Variants in DCLK3 observed in about 807,000 individuals in gnomAD.
DCLK3 encodes the protein doublecortin like kinase 3, also known as serine/threonine-protein kinase DCLK3.
In DCLK3, 30 loss-of-function variants were observed where a neutral mutation model predicts 46.4. The observed-to-expected ratio is 0.65, with a 90% CI of 0.48 to 0.88. DCLK3 has a LOEUF of 0.88. Ranked by LOEUF, DCLK3 falls within the 40% of genes least tolerant of loss-of-function variation. DCLK3 has a pLI of 0.00. For missense variants in DCLK3, 846 were observed against 907.1 expected, an observed-to-expected ratio of 0.93 and a Z score of 0.87; for synonymous variants, 401 against 339.2, an observed-to-expected ratio of 1.18 and a Z score of -2.00.
intron 2 of DCLK3, among the ~76,000 whole-genome samples, chr3:36,734,690 G>C (rs1701238717): frequency 6.6e-6 from 1 of 151,938 alleles, no homozygotes; most frequent in Admixed American, 6.6e-5. Flanking sequence ...CCACTCTGTA[G>C]TTTGCCTTCT....
Position 36,737,389 on chromosome 3 carries a change from T to C in DCLK3, c.1778A>G (p.Asp593Gly). 1 of 1,614,210 alleles carries C rather than the reference T, an allele frequency of 6.2e-7. No homozygotes were observed. The change falls in exon 2 of 5, where the codon GAC becomes GGC. Residue 593 changes from aspartate to glycine, a missense_variant. By Grantham distance (94) the Asp-to-Gly change is moderately conservative (BLOSUM62 -1). Coordinates refer to ENST00000636136, the MANE Select transcript of DCLK3 (RefSeq NM_001394672.2). This position sits in a 1 kb window ranked among gnomAD's most constrained non-coding sequence, Gnocchi z 4.4. ...CTCCAGGATCAGGTAGATTTCCATG[T>C]CTGTTTCGTAGACTTCATGCAATTT... Reference protein sequence around the residue: ...IVKLHEVYETDMEIYLILEYV... With the variant: ...IVKLHEVYETGMEIYLILEYV...
At chr3:36,757,696 G>T (rs1701498258) in intron 1 of DCLK3, among the ~76,000 whole-genome samples, 2 of 152,102 alleles carry the variant, frequency 1.3e-5, no homozygotes, top group South Asian at 4.1e-4. Flanking sequence ...AGAAAAGATG[G>T]GATGGTGAAT....
chr3:36,751,830 G>A (rs1701444341), intron 1 of DCLK3, among the ~76,000 whole-genome samples: 1 of 152,226 alleles, frequency 6.6e-6, no homozygotes, highest in Non-Finnish European at 1.5e-5. Context: ...AACAGGTGTT[G>A]CACGGAAGAA....
In DCLK3 at chr3:36,764,126, C is replaced by A. The variant is rs967027519; in HGVS notation, c.82+56G>T. The A allele has an allele frequency of 3.4e-5, 11 of 328,226 alleles. No homozygotes were observed. The Admixed American group carries it at 4.0e-4, about 12-fold the overall frequency. 20.3% of individuals were successfully genotyped at this position (328,226 alleles called of 1,614,324 possible). A position where few individuals can be genotyped will look rare whatever the true frequency, so the allele number is the denominator to read the frequency against. ...CAGAGTTAGGGCGAATGAGTCCTCC[C>A]GCCCCCGCCAAGGTGGCGCCCAGAA... On this transcript the variant is annotated intron_variant, in intron 1 of 4. Coordinates refer to ENST00000636136, the MANE Select transcript of DCLK3 (RefSeq NM_001394672.2). This position sits in a 1 kb window ranked among gnomAD's most constrained non-coding sequence, Gnocchi z 4.9.
At chr3:36,762,444 C>T (rs1476752985) in intron 1 of DCLK3, among the ~76,000 whole-genome samples, 1 of 152,018 alleles carries the variant, frequency 6.6e-6, no homozygotes, top group Non-Finnish European at 1.5e-5. Context: ...AGTAGCAAGC[C>T]AAGCGAGGGA....
At chr3:36,760,946 C>T (rs1272291085) in intron 1 of DCLK3, among the ~76,000 whole-genome samples, 2 of 152,228 alleles carry the variant, frequency 1.3e-5, no homozygotes, top group African/African-American at 2.4e-5. Flanking sequence ...TTGGGTATCT[C>T]GCTCAGGATC....
chr3:36,715,386 G>A lies in DCLK3; in HGVS notation c.2396C>T (p.Pro799Leu), dbSNP rs138931496. 6 of 1,614,140 alleles carry A rather than the reference G, an allele frequency of 3.7e-6. No individual in the cohort carries two copies. The African/African-American group carries it at 8.0e-5, about 22-fold the overall frequency. Residue 799 changes from proline to leucine, a missense_variant, in exon 5 of 5, where the codon CCC becomes CTC. Pro to Leu is a moderately conservative substitution (Grantham distance 98, BLOSUM62 -3). Around this residue, in one of 3 missense-constraint regions of DCLK3, gnomAD observed 46 missense variants for 41.3 expected, o/e 1.11. Coordinates refer to ENST00000636136, the MANE Select transcript of DCLK3 (RefSeq NM_001394672.2). ...GCTCCGGAAGTGACCCTCGCTGCTG[G>A]GGGACACCTGCTTCTGTCGTTTCAC... ...NTVKRQKQVSPSSEGHFRSQH... is the reference protein window; with the variant it reads ...NTVKRQKQVSLSSEGHFRSQH...
At chr3:36,752,281 C>G (rs569433211) in intron 1 of DCLK3, among the ~76,000 whole-genome samples, 2 of 152,190 alleles carry the variant, frequency 1.3e-5, no homozygotes, top group Admixed American at 6.5e-5. Flanking sequence ...TGTTCCAGAG[C>G]TTCTCATGGC....
chr3:36,754,858 T>C (rs1701472567), intron 1 of DCLK3, among the ~76,000 whole-genome samples: 2 of 152,204 alleles, frequency 1.3e-5, no homozygotes, highest in African/African-American at 2.4e-5. Context: ...TTAGAGTACA[T>C]GGACTCTCAT....
chr3:36,744,156 T>C (rs550500401), intron 1 of DCLK3, among the ~76,000 whole-genome samples: 1 of 152,244 alleles, frequency 6.6e-6, no homozygotes, highest in South Asian at 2.1e-4. Context: ...ACCCCCCAAC[T>C]CTGCCCCAGT....
intron 1 of DCLK3, among the ~76,000 whole-genome samples, chr3:36,749,029 C>T (rs1701417008): frequency 6.6e-6 from 1 of 152,164 alleles, no homozygotes; most frequent in Non-Finnish European, 1.5e-5. Context: ...TTCATGTTTC[C>T]TCCCAACTCT....
chr3:36,741,648 T>C (rs1322837154), intron 1 of DCLK3, among the ~76,000 whole-genome samples: 1 of 152,118 alleles, frequency 6.6e-6, no homozygotes, highest in Admixed American at 6.5e-5. Context: ...AAAGGAACCA[T>C]GACATAGGGC....
chr3:36,749,004 A>T lies in DCLK3; in HGVS notation c.83-9920T>A, dbSNP rs116329477. Among the ~76,000 whole-genome samples, 381 of 152,196 alleles carry T rather than the reference A, an allele frequency of 2.5e-3. 5 individuals are homozygous for T. Among genetic ancestry groups the T allele is most frequent in the East Asian group, 0.016 (80 of 5,154 alleles). On this transcript the variant is annotated intron_variant, in intron 1 of 4. Coordinates refer to ENST00000636136, the MANE Select transcript of DCLK3 (RefSeq NM_001394672.2). ...TCCCCCTGGGGACAGCTTCTCTTTCAGTCTCACCCTAGGTTTCATGTTTCC... is the reference window on the plus strand; with the variant it reads ...TCCCCCTGGGGACAGCTTCTCTTTCTGTCTCACCCTAGGTTTCATGTTTCC...
chr3:36,731,646 T>C (rs753289860), intron 2 of DCLK3, among the ~76,000 whole-genome samples: 13 of 152,192 alleles, frequency 8.5e-5, no homozygotes, highest in Non-Finnish European at 1.5e-4. Context: ...TCTGTTACCC[T>C]TGAGTCTTCT....
rs373269265 is a variant in DCLK3, at chr3:36,747,548, A to G, written c.83-8464T>C. Among the ~76,000 whole-genome samples, 20 of 152,286 alleles carry G rather than the reference A, an allele frequency of 1.3e-4. No individual in the cohort carries two copies. In the East Asian group the frequency reaches 2.5e-3, roughly 19 times the overall value. On this transcript the variant is annotated intron_variant, in intron 1 of 4. Coordinates refer to ENST00000636136, the MANE Select transcript of DCLK3 (RefSeq NM_001394672.2). Reference sequence around the variant, plus strand: ...AAGGTTTGTTATGCATATTCCTCTCAGAGCCATCTCTGGGCTGATATGAGT... The same window carrying G: ...AAGGTTTGTTATGCATATTCCTCTCGGAGCCATCTCTGGGCTGATATGAGT...
At chr3:36,751,953 C>A (rs1575146740) in intron 1 of DCLK3, among the ~76,000 whole-genome samples, 1 of 152,302 alleles carries the variant, frequency 6.6e-6, no homozygotes, top group East Asian at 1.9e-4. Flanking sequence ...TTTCTGCCCC[C>A]AAATTTATCT....
Position 36,738,835 on chromosome 3 carries a change from G to A in DCLK3, c.332C>T (p.Thr111Ile), listed in dbSNP as rs1701307764. 2.5e-6 allele frequency: 2 copies of A among 793,210 alleles called. No individual in the cohort carries two copies. Among genetic ancestry groups the A allele is most frequent in the Non-Finnish European group, 3.5e-6 (2 of 573,338 alleles). 49.1% of individuals were successfully genotyped at this position (793,210 alleles called of 1,614,324 possible). A position where few individuals can be genotyped will look rare whatever the true frequency, so the allele number is the denominator to read the frequency against. ...CACTGATCGCCTGTTGAGGAGCAGA[G>A]TGATCTTTCGGGGGCGCTGCCCACC... ...KLGGQRPRKI[T>I]LLLNRRSVQT... Residue 111 changes from threonine (T) to isoleucine (I), a missense_variant, in exon 2 of 5, where the codon ACT (threonine) becomes ATT (isoleucine). Around this residue, in one of 3 missense-constraint regions of DCLK3, gnomAD observed 553 missense variants for 543.0 expected, o/e 1.02. Coordinates refer to ENST00000636136, the MANE Select transcript of DCLK3 (RefSeq NM_001394672.2).
At position 36,718,143 on chromosome 3, in the gene DCLK3, G is replaced by A. The variant is rs771625779; in HGVS notation, c.2127C>T (p.Gly709=). Residue 709 remains glycine, a synonymous_variant, in exon 4 of 5, where the codon GGC becomes GGT. Coordinates refer to ENST00000636136, the MANE Select transcript of DCLK3 (RefSeq NM_001394672.2). ...CACACAGCAGGATATAGAGGATCAC[G>A]CCAGCAGCCCACATGTCCACCTCCA... is the stretch of plus-strand genomic sequence containing the variant. ...YGLEVDMWAA[G]VILYILLCGF... The A allele has an allele frequency of 1.2e-5, 20 of 1,613,988 alleles. No individual in the cohort carries two copies. Among genetic ancestry groups the A allele is most frequent in the Admixed American group, 1.7e-5 (1 of 60,002 alleles).
rs189234274 is a variant in DCLK3, at chr3:36,721,590, T to G, written c.2029A>C (p.Arg677=). The G allele has an allele frequency of 4.8e-5, 78 of 1,614,186 alleles. No homozygotes were observed. In the East Asian group the frequency reaches 1.5e-3, roughly 30 times the overall value. The change falls in exon 3 of 5, where the codon AGA becomes CGA. Residue 677 remains arginine, a synonymous_variant. Transcript: ENST00000636136. ...ADFGLAKHVV[R]PIFTVCGTPT... ...GTCCCACACACAGTAAATATAGGTC[T>G]CACCACATGCTTTGCAAGTCCAAAA...
Sources: allele counts gnomAD v4.1 joint callset (sites outside exome capture counted in the v4.1 genomes callset), GRCh38; gene constraint gnomAD v4.1.1; regional missense constraint gnomAD v4.1.1; non-coding constraint Gnocchi (gnomAD v3.1); transcripts MANE v1.5; gene names NCBI Gene and HGNC (gene_info 2026-07-23, HGNC 2026-07-21).